The following NEUROD1 variants were observed in gnomAD, a reference collection of about 807,000 sequenced individuals.
NEUROD1 encodes neuronal differentiation 1.
A neutral mutation model predicts 21.8 loss-of-function variants in NEUROD1; 9 were observed. The ratio of observed to expected loss-of-function variants is 0.41; its 90% CI spans 0.25 to 0.72. NEUROD1 has a LOEUF of 0.72. Among genes scored for constraint, NEUROD1 ranks in the 30% least tolerant of loss-of-function variants. The pLI, the probability that NEUROD1 is intolerant of heterozygous loss-of-function variation, is 0.31. For synonymous variants in NEUROD1, 199 were observed against 186.2 expected, an observed-to-expected ratio of 1.07 and a Z score of -0.56; for missense variants, 434 against 468.8, an observed-to-expected ratio of 0.93 and a Z score of 0.69.
rs955716839 is a variant in NEUROD1, at chr2:181,678,868, T to C, written c.-8A>G. On this transcript the variant is annotated 5_prime_UTR_variant, in exon 2 of 2. Transcript: ENST00000295108. This position sits in a 1 kb window ranked among gnomAD's most constrained non-coding sequence, Gnocchi z 5.5. Reference sequence around the variant, plus strand: ...GCTGTACGATTTGGTCATGTTTCGATTTCCTACATTCAACAAGGGAGAGGC... The same window carrying C: ...GCTGTACGATTTGGTCATGTTTCGACTTCCTACATTCAACAAGGGAGAGGC... 1.2e-6 allele frequency: 2 copies of C among 1,613,302 alleles called. No individual in the cohort carries two copies. The highest frequency in any genetic ancestry group is 1.7e-6 in the Non-Finnish European group (2 of 1,180,048).
At chr2:181,672,443 G>A (rs1310764886), downstream of NEUROD1, among the ~76,000 whole-genome samples, 1 of 152,126 alleles carries the variant, frequency 6.6e-6, no homozygotes, top group Admixed American at 6.5e-5. Flanking sequence ...GATCCTCTAG[G>A]TCTTCTAAGC....
chr2:181,677,704 T>G lies in NEUROD1; in HGVS notation c.*86A>C. 1 of 1,609,164 alleles carries G rather than the reference T, an allele frequency of 6.2e-7. No homozygotes were observed. The highest frequency in any genetic ancestry group is 8.5e-7 in the Non-Finnish European group (1 of 1,179,764). ...GAGTATTTGCACTTTGCAGCAGTAG[T>G]ACCCAAAGGGCTGCCTTTTGTAAAC... is the stretch of plus-strand genomic sequence containing the variant. On this transcript the variant is annotated 3_prime_UTR_variant, in exon 2 of 2. Coordinates refer to ENST00000295108, the MANE Select transcript of NEUROD1 (RefSeq NM_002500.5).
intron 1 of NEUROD1, among the ~76,000 whole-genome samples, 183 bp from the exon 2 acceptor site, chr2:181,679,054 G>T (rs532523500): frequency 6.6e-6 from 1 of 152,318 alleles, no homozygotes; most frequent in South Asian, 2.1e-4. Context: ...TGGCGCGTGC[G>T]TGTGCCCCGC....
In NEUROD1 at chr2:181,678,764, C is replaced by G; in HGVS notation, c.97G>C (p.Glu33Gln). 1 of 1,613,186 alleles carries G rather than the reference C, an allele frequency of 6.2e-7. No individual in the cohort carries two copies. Among genetic ancestry groups the G allele is most frequent in the Non-Finnish European group, 8.5e-7 (1 of 1,179,432 alleles). The change falls in exon 2 of 2, where the codon GAG becomes CAG. Residue 33 changes from glutamate to glutamine, a missense_variant. Coordinates refer to ENST00000295108, the MANE Select transcript of NEUROD1 (RefSeq NM_002500.5). The surrounding 1 kb of genome is among the most constrained non-coding windows in gnomAD (Gnocchi z 5.5). ...TDECLSSQDE[E>Q]HEADKKEDDL... ...TCCTCCTTCTTGTCTGCCTCGTGCT[C>G]CTCGTCCTGAGAACTGAGACACTCG...
chr2:181,680,266 C>G (rs910851026), intron 1 of NEUROD1, among the ~76,000 whole-genome samples, 164 bp downstream of exon 1: 6 of 152,144 alleles, frequency 3.9e-5, no homozygotes, highest in African/African-American at 1.4e-4. Context: ...ACTTGAGTGA[C>G]ACGACTCATT....
In NEUROD1 at chr2:181,677,473, T is replaced by G. The variant is rs1372123; in HGVS notation, c.*317A>C. The G allele has an allele frequency of 4.0e-6, 1 of 247,174 alleles. No individual in the cohort carries two copies. Among genetic ancestry groups the G allele is most frequent in the Non-Finnish European group, 7.9e-6 (1 of 126,368 alleles). The allele number at this position is 247,174 out of a possible 1,614,324, so 15.3% of individuals were successfully genotyped here. ...TTGCATAGATCCTAATTATTGCTTG[T>G]GATTTTGTTATCCCGATCAGATAAT... On this transcript the variant is annotated 3_prime_UTR_variant, in exon 2 of 2. Transcript: ENST00000295108.
intron 1 of NEUROD1, among the ~76,000 whole-genome samples, chr2:181,680,159 T>A (rs1688670053): frequency 6.6e-6 from 1 of 152,186 alleles, no homozygotes; most frequent in Non-Finnish European, 1.5e-5. Context: ...ATAATCATAG[T>A]TACCGTGCAT....
At chr2:181,679,383 C>A (rs1031984284) in intron 1 of NEUROD1, among the ~76,000 whole-genome samples, 3 of 152,110 alleles carry the variant, frequency 2.0e-5, no homozygotes, top group African/African-American at 4.8e-5. Context: ...ATACTGGCAG[C>A]GATTTTTAAG....
exon 2 of NEUROD1, among the ~76,000 whole-genome samples, chr2:181,671,109 T>A (rs1227860323): frequency 6.6e-6 from 1 of 151,896 alleles, no homozygotes; most frequent in African/African-American, 2.4e-5. Flanking sequence ...TGTTTTAATA[T>A]AAATGCACCA....
chr2:181,676,171 GA>G (rs1318849648), downstream of NEUROD1, among the ~76,000 whole-genome samples: 3 of 151,834 alleles, frequency 2.0e-5, no homozygotes, highest in African/African-American at 7.3e-5. Context: ...TTTAAAAATG[GA>G]AATAAAAAAC....
chr2:181,672,953 G>A (rs1010129535), downstream of NEUROD1: 2 of 152,164 alleles, frequency 1.3e-5, no homozygotes, highest in African/African-American at 4.8e-5. Context: ...ATGCTAGATT[G>A]AACTTACTCT....
chr2:181,671,265 C>T (rs1456668769), exon 2 of NEUROD1, among the ~76,000 whole-genome samples: 1 of 151,988 alleles, frequency 6.6e-6, no homozygotes, highest in Non-Finnish European at 1.5e-5. Context: ...AGTAGCCTTG[C>T]CTCTATTAAC....
At chr2:181,669,531 G>A (rs1011745403), downstream of NEUROD1, among the ~76,000 whole-genome samples, 1 of 152,136 alleles carries the variant, frequency 6.6e-6, no homozygotes, top group Non-Finnish European at 1.5e-5. Flanking sequence ...TAAAAAGGAT[G>A]TTTCTCTATT....
Position 181,677,968 on chromosome 2 carries a change from G to C in NEUROD1, c.893C>G (p.Ala298Gly). The part of the protein sequence containing the change: ...EPSAEFEKNY[A>G]FTMHYPAATL... ...CGCTGCAGGATAGTGCATGGTAAAG[G>C]CATAATTTTTCTCAAACTCGGCGGA... Residue 298 changes from alanine to glycine, a missense_variant, in exon 2 of 2, where the codon GCC (alanine) becomes GGC (glycine). Coordinates refer to ENST00000295108, the MANE Select transcript of NEUROD1 (RefSeq NM_002500.5). 1.9e-6 allele frequency: 3 copies of C among 1,614,228 alleles called. No homozygotes were observed. The highest frequency in any genetic ancestry group is 1.7e-6 in the Non-Finnish European group (2 of 1,180,040).
chr2:181,671,590 A>G (rs1688499799), downstream of NEUROD1, among the ~76,000 whole-genome samples: 2 of 151,906 alleles, frequency 1.3e-5, no homozygotes, highest in South Asian at 2.1e-4. Context: ...GCCATCATGC[A>G]CCACTAGTTT....
At position 181,678,507 on chromosome 2, in the gene NEUROD1, G is replaced by A. The variant is rs1688633936; in HGVS notation, c.354C>T (p.Asn118=). The A allele has an allele frequency of 2.5e-6, 4 of 1,614,114 alleles. No individual in the cohort carries two copies. The highest frequency in any genetic ancestry group is 2.2e-5 in the East Asian group (1 of 44,896). ...ARERNRMHGL[N]AALDNLRKVV... Reference sequence around the variant, plus strand: ...CCTTGCGCAGGTTGTCTAGCGCCGCGTTCAGTCCGTGCATGCGGTTCCGCT... The same window carrying A: ...CCTTGCGCAGGTTGTCTAGCGCCGCATTCAGTCCGTGCATGCGGTTCCGCT... The change falls in exon 2 of 2, where the codon AAC becomes AAT. Residue 118 remains asparagine (N), a synonymous_variant. Coordinates refer to ENST00000295108, the MANE Select transcript of NEUROD1 (RefSeq NM_002500.5). This position sits in a 1 kb window ranked among gnomAD's most constrained non-coding sequence, Gnocchi z 5.5.
At position 181,678,940 on chromosome 2, in the gene NEUROD1, G is replaced by A. The variant is rs925196287; in HGVS notation, c.-11-69C>T. 24 of 1,574,752 alleles carry A rather than the reference G, an allele frequency of 1.5e-5. No homozygotes were observed. Among genetic ancestry groups the A allele is most frequent in the African/African-American group, 2.7e-5 (2 of 74,182 alleles). On this transcript the variant is annotated intron_variant, in intron 1 of 1. Transcript: ENST00000295108. This position sits in a 1 kb window ranked among gnomAD's most constrained non-coding sequence, Gnocchi z 5.5. The stretch of plus-strand genomic sequence containing the variant: ...AACGCTATATTCAAAAGCCAGATAC[G>A]CCTTCAGCTTCCACTCCCTAAACCT...
chr2:181,678,249 G>T lies in NEUROD1; in HGVS notation c.612C>A (p.Pro204=). 1.2e-6 allele frequency: 2 copies of T among 1,614,170 alleles called. No individual in the cohort carries two copies. Among genetic ancestry groups the T allele is most frequent in the Non-Finnish European group, 1.7e-6 (2 of 1,180,038 alleles). Reference sequence around the variant, plus strand: ...AAGCGCTGGCCGTCGGCAGGTGGGGGGGCATGTCCTGGTTCTGCTCAGGCA... The same window carrying T: ...AAGCGCTGGCCGTCGGCAGGTGGGGTGGCATGTCCTGGTTCTGCTCAGGCA... ...TFLPEQNQDM[P]PHLPTASASF... The change falls in exon 2 of 2, where the codon CCC becomes CCA. Residue 204 remains proline (P), a synonymous_variant. Coordinates refer to ENST00000295108, the MANE Select transcript of NEUROD1 (RefSeq NM_002500.5). This position sits in a 1 kb window ranked among gnomAD's most constrained non-coding sequence, Gnocchi z 5.5.
At chr2:181,669,330 A>T (rs965365717), downstream of NEUROD1, among the ~76,000 whole-genome samples, 2 of 152,136 alleles carry the variant, frequency 1.3e-5, no homozygotes, top group African/African-American at 2.4e-5. Flanking sequence ...AATGCAAAAA[A>T]CAATTCCCCT....
Sources: allele counts gnomAD v4.1 joint callset (sites outside exome capture counted in the v4.1 genomes callset), GRCh38; gene constraint gnomAD v4.1.1; non-coding constraint Gnocchi (gnomAD v3.1); transcripts MANE v1.5; gene names NCBI Gene and HGNC (gene_info 2026-07-23, HGNC 2026-07-21).